TTC23L: variants seen among roughly 807,000 people sequenced by gnomAD.
The protein encoded by TTC23L is tetratricopeptide repeat protein 23-like.
Under a neutral mutation model 48.1 loss-of-function variants are expected in TTC23L, and 42 were observed. The ratio of observed to expected loss-of-function variants is 0.87; its 90% CI spans 0.68 to 1.13. The LOEUF is 1.13. Among genes scored for constraint, TTC23L ranks in the 50% most tolerant of loss-of-function variants. The pLI is 0.00. For synonymous variants in TTC23L, 159 were observed against 157.2 expected, an observed-to-expected ratio of 1.01 and a Z score of -0.09; for missense variants, 391 against 421.0, an observed-to-expected ratio of 0.93 and a Z score of 0.62.
At chr5:34,891,630 A>G (rs1331726362) in intron 9 of TTC23L, among the ~76,000 whole-genome samples, 1 of 152,218 alleles carries the variant, frequency 6.6e-6, no homozygotes, top group Non-Finnish European at 1.5e-5. Context: ...TGTGCTCTGA[A>G]GGTAATAATA....
the TTC23L span, among the ~76,000 whole-genome samples, chr5:34,909,944 C>T: frequency 3.2e-4 from 49 of 152,250 alleles, no homozygotes; most frequent in Non-Finnish European, 5.1e-4. Context: ...GGTTGGTTTT[C>T]CCTAAGCTCC....
At chr5:34,893,974 G>A (rs974611846) in intron 9 of TTC23L, among the ~76,000 whole-genome samples, 7 of 152,058 alleles carry the variant, frequency 4.6e-5, no homozygotes, top group Admixed American at 2.0e-4. Flanking sequence ...TTAACCTATC[G>A]TTTTTGTGGT....
At chr5:34,850,380 AG>A in intron 4 of TTC23L, 72 bp downstream of exon 4, 2 of 1,595,140 alleles carry the variant, frequency 1.3e-6, no homozygotes, top group Non-Finnish European at 1.7e-6. Flanking sequence ...AACCTCAGTG[AG>A]GATGGGCATG....
At chr5:34,878,610 C>A (rs1308246486) in intron 8 of TTC23L, among the ~76,000 whole-genome samples, 2 of 152,146 alleles carry the variant, frequency 1.3e-5, no homozygotes, top group African/African-American at 4.8e-5. Context: ...TACTAAAAAA[C>A]CACAGCAATG....
At chr5:34,904,121 C>A (rs1362250709), downstream of TTC23L, among the ~76,000 whole-genome samples, 1 of 151,320 alleles carries the variant, frequency 6.6e-6, no homozygotes, top group Non-Finnish European at 1.5e-5. Context: ...ATACTCCACA[C>A]CTGGCTAATT....
intron 8 of TTC23L, chr5:34,869,459 C>G (rs1408607034): frequency 6.1e-6 from 1 of 163,930 alleles, no homozygotes. Context: ...TAGTTAGATA[C>G]TGGGGGTTGC....
chr5:34,855,182 G>GTGTGGTT (rs2150373472), intron 4 of TTC23L, among the ~76,000 whole-genome samples: 6 of 71,380 alleles, frequency 8.4e-5, no homozygotes, highest in African/African-American at 2.1e-4. Context: ...GCAGGCTAAG[G>GTGTGGTT]TTAGGACTGG....
At chr5:34,902,880 C>A (rs185752970), downstream of TTC23L, among the ~76,000 whole-genome samples, 31 of 151,952 alleles carry the variant, frequency 2.0e-4, no homozygotes, top group Admixed American at 5.2e-4. Flanking sequence ...CCAGAATATT[C>A]TGAATTGATT....
chr5:34,892,190 G>A (rs1301705646), intron 9 of TTC23L, among the ~76,000 whole-genome samples: 7 of 152,248 alleles, frequency 4.6e-5, no homozygotes, highest in African/African-American at 1.7e-4. Flanking sequence ...CTAGTTTTCC[G>A]ATGTACTCTC....
At chr5:34,897,242 G>A (rs1241738405) in intron 10 of TTC23L, among the ~76,000 whole-genome samples, 8 of 151,946 alleles carry the variant, frequency 5.3e-5, no homozygotes, top group East Asian at 1.9e-4. Context: ...AAAATTAGCC[G>A]GGCGTGGTAG....
chr5:34,884,770 C>T lies in TTC23L; in HGVS notation c.1077+4462C>T, dbSNP rs568843180. 1.2e-4 allele frequency among the ~76,000 whole-genome samples: 18 copies of T among 152,032 alleles called. No homozygotes were observed. In the South Asian group the frequency reaches 3.5e-3, roughly 30 times the overall value. On this transcript the variant is annotated intron_variant, in intron 9 of 10. Transcript: ENST00000505624. ...CTGAAAAAAATAAATAGGAAAATAACAAATTATATGCATGCTTTCCTACTC... is the reference window on the plus strand; with the variant it reads ...CTGAAAAAAATAAATAGGAAAATAATAAATTATATGCATGCTTTCCTACTC...
intron 4 of TTC23L, chr5:34,861,119 C>T (rs1328606705): frequency 1.3e-5 from 2 of 152,292 alleles, no homozygotes; most frequent in Non-Finnish European, 2.9e-5. Flanking sequence ...AGGTGCACAC[C>T]ACCATGCCCA....
the TTC23L span, among the ~76,000 whole-genome samples, chr5:34,917,249 C>T: frequency 2.0e-5 from 3 of 152,114 alleles, no homozygotes; most frequent in African/African-American, 7.2e-5. Context: ...ATGATGTAGA[C>T]GTGAAAATCT....
the TTC23L span, among the ~76,000 whole-genome samples, chr5:34,909,870 C>T: frequency 6.6e-6 from 1 of 152,158 alleles, no homozygotes; most frequent in Non-Finnish European, 1.5e-5. Flanking sequence ...GCAAGAACTC[C>T]TGGAACATTT....
chr5:34,842,880 CAGTGGT>C, intron 2 of TTC23L, among the ~76,000 whole-genome samples: 1 of 152,284 alleles, frequency 6.6e-6, no homozygotes, highest in African/African-American at 2.4e-5. Context: ...GGCTGGAGCG[CAGTGGT>C]GTGATCTCAG....
chr5:34,921,461 G>T, the TTC23L span: 1 of 152,146 alleles, frequency 6.6e-6, no homozygotes, highest in African/African-American at 2.4e-5. Context: ...CATTAAAAAG[G>T]ATGTTTTTAG....
At chr5:34,880,737 C>CA in intron 9 of TTC23L, 1 of 304,934 alleles carries the variant, frequency 3.3e-6, no homozygotes, top group Non-Finnish European at 6.3e-6. Context: ...CTCTTGGGTT[C>CA]AAGAGATTTG....
the TTC23L span, chr5:34,922,871 GT>G: frequency 7.8e-7 from 1 of 1,280,866 alleles, no homozygotes; most frequent in Non-Finnish European, 1.1e-6. Flanking sequence ...CCCCACCTTG[GT>G]TTTATGGATT....
chr5:34,924,910 A>G, the TTC23L span: 1 of 1,612,506 alleles, frequency 6.2e-7, no homozygotes, highest in African/African-American at 1.3e-5. Flanking sequence ...TCTCATAAAG[A>G]TTTTCCAGGG....
Sources: allele counts gnomAD v4.1 joint callset (sites outside exome capture counted in the v4.1 genomes callset), GRCh38; gene constraint gnomAD v4.1.1; transcripts MANE v1.5; gene names NCBI Gene and HGNC (gene_info 2026-07-23, HGNC 2026-07-21).